Variants in LRP2BP observed in about 807,000 individuals in gnomAD.
LRP2BP encodes LRP2-binding protein.
LRP2BP carries 38 observed loss-of-function variants against 45.2 expected under a neutral mutation model. The ratio of observed to expected loss-of-function variants is 0.84; its 90% CI spans 0.65 to 1.10. LRP2BP has a LOEUF of 1.10. Ranked by LOEUF, LRP2BP falls within the 50% of genes least tolerant of loss-of-function variation. The probability of loss-of-function intolerance (pLI) is 0.00; values close to 1 mark genes in which losing one functional copy is unlikely to be tolerated. For synonymous variants in LRP2BP, 153 were observed against 153.9 expected (o/e 0.99, Z 0.04); for missense variants, 385 against 418.9 (o/e 0.92, Z 0.71).
rs984040023 is a variant in LRP2BP, at chr4:185,364,678, C to T, written c.*2502G>A. On this transcript the variant is annotated 3_prime_UTR_variant, in exon 9 of 9. Coordinates refer to ENST00000505916, the MANE Select transcript of LRP2BP (RefSeq NM_001377440.1). Reference sequence around the variant, plus strand: ...AGTTATAGCTTTTTTATCCTTTTTTCAAACCATGATGATATTTGACACTTA... The same window carrying T: ...AGTTATAGCTTTTTTATCCTTTTTTTAAACCATGATGATATTTGACACTTA... The T allele has an allele frequency of 6.6e-6, 1 of 151,624 alleles. No individual in the cohort carries two copies. Among genetic ancestry groups the T allele is most frequent in the South Asian group, 2.1e-4 (1 of 4,820 alleles). The allele number at this position is 151,624 out of a possible 1,614,324, so 9.4% of individuals were successfully genotyped here. A position where few individuals can be genotyped will look rare whatever the true frequency, so the allele number is the denominator to read the frequency against.
At chr4:185,393,414 GA>G (rs1454120968) in intron 1 of LRP2BP, among the ~76,000 whole-genome samples, 1 of 152,116 alleles carries the variant, frequency 6.6e-6, no homozygotes, top group Non-Finnish European at 1.5e-5. Context: ...TAAGAAACAG[GA>G]AAACCACAGC....
upstream of LRP2BP, chr4:185,396,902 T>A: frequency 4.3e-6 from 7 of 1,613,124 alleles, no homozygotes; most frequent in Non-Finnish European, 5.9e-6. Flanking sequence ...CAAGGACTCT[T>A]GTCATCTGCC....
intron 1 of LRP2BP, among the ~76,000 whole-genome samples, chr4:185,389,247 T>C (rs1028655708): frequency 6.6e-6 from 1 of 151,986 alleles, no homozygotes; most frequent in Non-Finnish European, 1.5e-5. Flanking sequence ...CTCACACTGT[T>C]GCCCAGGCTG....
chr4:185,388,603 C>T (rs6818425), intron 1 of LRP2BP, among the ~76,000 whole-genome samples: 135,973 of 152,210 alleles, frequency 0.89, 60,891 homozygotes, highest in East Asian at 0.99. Flanking sequence ...TTCTACCTGA[C>T]AGTGTTCTCA....
At chr4:185,371,375 T>C (rs1430072337) in intron 7 of LRP2BP, among the ~76,000 whole-genome samples, 6 of 151,570 alleles carry the variant, frequency 4.0e-5, no homozygotes, top group African/African-American at 1.5e-4. Context: ...CCGTCTCTAC[T>C]AAAAAAGATA....
At chr4:185,367,303 C>CT (rs138875428) in intron 8 of LRP2BP, 58 bp from the exon 9 acceptor site, 94,578 of 1,055,162 alleles carry the variant, frequency 0.09, 53 homozygotes, top group Non-Finnish European at 0.095. Context: ...GGTCTTTCTT[C>CT]TTTTTTTTTT....
Position 185,365,729 on chromosome 4 carries a change from G to A in LRP2BP, c.*1451C>T, listed in dbSNP as rs1472010090. ...ATAATAATAATAATCTTTAGGAACTGGATTAAGTGTGGAGAAGAGAATACT... is the reference window on the plus strand; with the variant it reads ...ATAATAATAATAATCTTTAGGAACTAGATTAAGTGTGGAGAAGAGAATACT... On this transcript the variant is annotated 3_prime_UTR_variant, in exon 9 of 9. Coordinates refer to ENST00000505916, the MANE Select transcript of LRP2BP (RefSeq NM_001377440.1). 1 of 151,162 alleles carries A rather than the reference G, an allele frequency of 6.6e-6. No homozygotes were observed. Among genetic ancestry groups the A allele is most frequent in the African/African-American group, 2.4e-5 (1 of 41,168 alleles). The allele number at this position is 151,162 out of a possible 1,614,324, so 9.4% of individuals were successfully genotyped here.
rs181603250 is a variant in LRP2BP, at chr4:185,394,559, C to T, written c.-22+220G>A. On this transcript the variant is annotated intron_variant, in intron 1 of 8. Transcript: ENST00000505916. ...TTGTAATATAATAAACTGGAATAGA[C>T]GTTAGTGGTTAATACTTTCTCATTT... Among the ~76,000 whole-genome samples the T allele has an allele frequency of 7.2e-5, 11 of 152,284 alleles. No homozygotes were observed. In the East Asian group the frequency reaches 1.2e-3, roughly 16 times the overall value.
chr4:185,380,561 C>T (rs2126820283), intron 1 of LRP2BP, among the ~76,000 whole-genome samples: 1 of 152,312 alleles, frequency 6.6e-6, no homozygotes, highest in East Asian at 1.9e-4. Context: ...TGTGTCCTCT[C>T]CTCCCTCTTA....
chr4:185,370,980 CAGG>C, intron 7 of LRP2BP, 166 bp from the exon 8 acceptor site: 1 of 620,912 alleles, frequency 1.6e-6, no homozygotes, highest in Non-Finnish European at 2.7e-6. Context: ...CACCTCATAC[CAGG>C]AGAAGATGAG....
In LRP2BP at chr4:185,379,812, T is replaced by TTCTCTCTCTCTC. The variant is rs34458591; in HGVS notation, c.-21-1617_-21-1606dup. 2.5e-3 allele frequency among the ~76,000 whole-genome samples: 368 copies of TTCTCTCTCTCTC among 149,810 alleles called. 1 individual carries two copies. Among genetic ancestry groups the TTCTCTCTCTCTC allele is most frequent in the South Asian group, 8.9e-3 (42 of 4,728 alleles). On this transcript the variant is annotated intron_variant, in intron 1 of 8. Coordinates refer to ENST00000505916, the MANE Select transcript of LRP2BP (RefSeq NM_001377440.1). ...CTGGCGTGTCCCAGCACCTGCGCACTTCTCTCTCTCTCTCTCTCTCTCTGA... is the reference window on the plus strand; with the variant it reads ...CTGGCGTGTCCCAGCACCTGCGCACTTCTCTCTCTCTCTCTCTCTCTCTCTCTCTCTCTCTGA...
Position 185,372,862 on chromosome 4 carries a change from G to T in LRP2BP, c.797C>A (p.Ser266Tyr). ...MKFFTKCVAFSKRIADYDEVH... is the reference protein window; with the variant it reads ...MKFFTKCVAFYKRIADYDEVH... ...AACAGACAAAGACATTCACCTTTTG[G>T]AAAATGCAACACACTTTGTAAAAAA... The change falls in exon 7 of 9, where the codon TCC becomes TAC. Residue 266 changes from serine (S) to tyrosine (Y), a missense_variant. Physicochemically the swap from Ser to Tyr is moderately radical, Grantham distance 144. Transcript: ENST00000505916. 6 of 1,600,170 alleles carry T rather than the reference G, an allele frequency of 3.7e-6. No individual in the cohort carries two copies. Among genetic ancestry groups the T allele is most frequent in the Non-Finnish European group, 5.1e-6 (6 of 1,168,326 alleles).
At chr4:185,397,038 C>A, upstream of LRP2BP, 4 of 1,609,786 alleles carry the variant, frequency 2.5e-6, no homozygotes, top group Non-Finnish European at 3.4e-6. Flanking sequence ...GGACGGACCA[C>A]TGGGCGCTGC....
At position 185,395,433 on chromosome 4, in the gene LRP2BP, T is replaced by C; in HGVS notation, c.-676A>G. 3.0e-6 allele frequency: 3 copies of C among 985,452 alleles called. No individual in the cohort carries two copies. The highest frequency in any genetic ancestry group is 3.6e-6 in the Non-Finnish European group (3 of 829,922). The allele number at this position is 985,452 out of a possible 1,614,324, so 61.0% of individuals were successfully genotyped here. On this transcript the variant is annotated 5_prime_UTR_variant, in exon 1 of 9. Transcript: ENST00000505916. Reference sequence around the variant, plus strand: ...CTTCAACACGTGTTTTAAAAAGCAGTGCTTATTGAATTGATAAACAAAAGC... The same window carrying C: ...CTTCAACACGTGTTTTAAAAAGCAGCGCTTATTGAATTGATAAACAAAAGC...
At chr4:185,369,775 C>CTAGG in intron 8 of LRP2BP, 1 of 445,914 alleles carries the variant, frequency 2.2e-6, no homozygotes, top group Non-Finnish European at 4.5e-6. Context: ...ACGCTTCTGT[C>CTAGG]TCCTAGAGAC....
intron 1 of LRP2BP, among the ~76,000 whole-genome samples, chr4:185,384,245 C>T (rs1222826592): frequency 6.6e-6 from 1 of 152,174 alleles, no homozygotes; most frequent in Non-Finnish European, 1.5e-5. Flanking sequence ...CACAACAAGG[C>T]ACTGTCCTGA....
Position 185,374,429 on chromosome 4 carries a change from A to C in LRP2BP, c.363T>G (p.Leu121=). Reference sequence around the variant, plus strand: ...GTCTTGCTTTGGGACATGGAGAATCAAGAATTTTCTTCATATAGTCCACCC... The same window carrying C: ...GTCTTGCTTTGGGACATGGAGAATCCAGAATTTTCTTCATATAGTCCACCC... ...EKGVDYMKKI[L]DSPCPKARHL... Residue 121 remains leucine (L), a synonymous_variant, in exon 5 of 9, where the codon CTT becomes CTG. Coordinates refer to ENST00000505916, the MANE Select transcript of LRP2BP (RefSeq NM_001377440.1). 1 of 1,614,122 alleles carries C rather than the reference A, an allele frequency of 6.2e-7. No individual in the cohort carries two copies. Among genetic ancestry groups the C allele is most frequent in the Non-Finnish European group, 8.5e-7 (1 of 1,180,034 alleles).
At position 185,378,123 on chromosome 4, in the gene LRP2BP, C is replaced by T; in HGVS notation, c.64G>A (p.Ala22Thr). ...CACTGGAAAAATTTTTGGTTTTTAG[C>T]AGCATACTGAGATACAGAGGCATAA... ...PFYASVSQYAAKNQKFFQWKK... is the reference protein window; with the variant it reads ...PFYASVSQYATKNQKFFQWKK... Residue 22 changes from alanine to threonine, a missense_variant, in exon 2 of 9, where the codon GCT becomes ACT. Coordinates refer to ENST00000505916, the MANE Select transcript of LRP2BP (RefSeq NM_001377440.1). The T allele has an allele frequency of 6.2e-7, 1 of 1,613,860 alleles. No homozygotes were observed. The highest frequency in any genetic ancestry group is 8.5e-7 in the Non-Finnish European group (1 of 1,179,946).
At chr4:185,379,696 G>C (rs1463529387) in intron 1 of LRP2BP, among the ~76,000 whole-genome samples, 1 of 152,158 alleles carries the variant, frequency 6.6e-6, no homozygotes, top group Non-Finnish European at 1.5e-5. Flanking sequence ...TATGAGGCTC[G>C]TTTAACGTAT....
Sources: gnomAD v4.1 joint callset for allele counts (sites outside exome capture counted in the v4.1 genomes callset) on GRCh38, gnomAD v4.1.1 for gene constraint, MANE v1.5 for transcripts, NCBI Gene and HGNC (gene_info 2026-07-23, HGNC 2026-07-21) for gene names.